The following CDYL variants were observed in gnomAD, a reference collection of about 807,000 sequenced individuals.
CDYL encodes the protein chromodomain Y like, also known as chromodomain Y-like protein.
Under a neutral mutation model 47.3 loss-of-function variants are expected in CDYL, and 8 were observed. The observed-to-expected ratio is 0.17, with a 90% confidence interval of 0.10 to 0.31. The LOEUF (loss-of-function observed/expected upper bound fraction) is 0.31, where lower values mean the gene tolerates loss of function less well. CDYL is among the 10% of genes least tolerant of loss of function. CDYL has a pLI of 1.00. For missense variants in CDYL, 471 were observed against 701.4 expected (o/e 0.67, Z 3.71); for synonymous variants, 266 against 265.0 (o/e 1.00, Z -0.04).
At chr6:4,949,268 A>G (rs1758624474) in intron 5 of CDYL, among the ~76,000 whole-genome samples, 1 of 152,184 alleles carries the variant, frequency 6.6e-6, no homozygotes, top group African/African-American at 2.4e-5. Context: ...TGGGGTGTGA[A>G]GCTGGAGAAT....
At chr6:4,710,403 A>AGGAAGGAAGGAAGGAG (rs10676514) in intron 1 of CDYL, among the ~76,000 whole-genome samples, 1 of 147,672 alleles carries the variant, frequency 6.8e-6, no homozygotes, top group South Asian at 2.2e-4. Context: ...GAAGGAAGGA[A>AGGAAGGAAGGAAGGAG]ACTACATTTA....
At chr6:4,947,348 C>T (rs1758554092) in intron 5 of CDYL, among the ~76,000 whole-genome samples, 1 of 152,198 alleles carries the variant, frequency 6.6e-6, no homozygotes, top group Non-Finnish European at 1.5e-5. Flanking sequence ...AGCGCCTATA[C>T]CAAGTTCTAG....
chr6:4,895,431 ATGTATACG>A (rs1762238440), intron 2 of CDYL, among the ~76,000 whole-genome samples: 1 of 22,260 alleles, frequency 4.5e-5, no homozygotes, highest in African/African-American at 9.6e-5. Flanking sequence ...GCATGTATAC[ATGTATACG>A]TATATATGCA....
chr6:4,713,628 C>T (rs1221312584), intron 1 of CDYL, among the ~76,000 whole-genome samples: 1 of 146,744 alleles, frequency 6.8e-6, no homozygotes, highest in Non-Finnish European at 1.5e-5. Flanking sequence ...TGCTGCGTTG[C>T]CCAGGCTGGA....
chr6:4,844,613 G>A (rs1760600690), intron 1 of CDYL, among the ~76,000 whole-genome samples: 1 of 152,120 alleles, frequency 6.6e-6, no homozygotes, highest in Admixed American at 6.5e-5. Flanking sequence ...CCCCCAACAT[G>A]GGTTTGTTTC....
chr6:4,873,571 C>T (rs773564798), intron 1 of CDYL, among the ~76,000 whole-genome samples: 7 of 152,098 alleles, frequency 4.6e-5, no homozygotes, highest in Non-Finnish European at 7.4e-5. Flanking sequence ...TAGAAATTCA[C>T]GCTTGTTAAT....
intron 2 of CDYL, among the ~76,000 whole-genome samples, chr6:4,900,779 G>GTGTGTGTGTGTGTATATATATATA: frequency 1.9e-5 from 1 of 51,704 alleles, no homozygotes; most frequent in South Asian, 9.5e-4. Flanking sequence ...GTATACGTGT[G>GTGTGTGTGTGTGTATATATATATA]TATATATATA....
chr6:4,776,220 C>G (rs1300541052), upstream of CDYL, among the ~76,000 whole-genome samples: 1 of 141,238 alleles, frequency 7.1e-6, no homozygotes, highest in African/African-American at 2.6e-5. Flanking sequence ...TGCCGGCTCG[C>G]TCCCGGCCCC....
At position 4,752,146 on chromosome 6, in the gene CDYL, C is replaced by T. The variant is rs113773300; in HGVS notation, c.186+17302C>T. On this transcript the variant is annotated intron_variant, in intron 3 of 8. Coordinates refer to the CDYL transcript ENST00000328908. ...GGTCTTCCTAGCAGACTCTTGCCCA[C>T]GTTAATATTCGCAGCATATCCTGGG... Among the ~76,000 whole-genome samples the T allele has an allele frequency of 9.9e-3, 1,507 of 152,222 alleles. 24 individuals are homozygous for T. Among genetic ancestry groups the T allele is most frequent in the African/African-American group, 0.025 (1,048 of 41,518 alleles).
At chr6:4,778,144 G>T (rs1758519936) in intron 1 of CDYL, among the ~76,000 whole-genome samples, 3 of 152,176 alleles carry the variant, frequency 2.0e-5, no homozygotes, top group Admixed American at 2.0e-4. Flanking sequence ...CAGAAATGGA[G>T]GCTAGGATGT....
intron 3 of CDYL, among the ~76,000 whole-genome samples, chr6:4,752,817 A>G (rs939176386): frequency 5.7e-5 from 8 of 140,730 alleles, no homozygotes; most frequent in Admixed American, 1.5e-4. Context: ...AAAGTCTTTC[A>G]TGTCTGCAAA....
intron 1 of CDYL, among the ~76,000 whole-genome samples, chr6:4,868,532 A>T (rs966606544): frequency 2.0e-5 from 3 of 152,086 alleles, no homozygotes; most frequent in Non-Finnish European, 4.4e-5. Flanking sequence ...ATATATCTTA[A>T]ATCTTTTTAA....
At chr6:4,774,250 A>G (rs746972639), upstream of CDYL, among the ~76,000 whole-genome samples, 67 of 151,984 alleles carry the variant, frequency 4.4e-4, no homozygotes, top group Non-Finnish European at 6.5e-4. Flanking sequence ...TTTACAGTTG[A>G]TTTTTCTTGA....
chr6:4,839,127 G>A lies in CDYL; in HGVS notation c.25-52586G>A, dbSNP rs114120741. ...TCGATTATGACCATCTTGCAGGAGT[G>A]AGGTGGTATCGCATTGTGGTTTTGA... On this transcript the variant is annotated intron_variant, in intron 1 of 6. Coordinates refer to ENST00000397588, the MANE Select transcript of CDYL (RefSeq NM_004824.4). Among the ~76,000 whole-genome samples the A allele has an allele frequency of 6.8e-3, 1,031 of 152,320 alleles. 14 individuals carry two copies. The highest frequency in any genetic ancestry group is 0.024 in the African/African-American group (995 of 41,560).
chr6:4,725,191 G>T (rs1252486020), intron 2 of CDYL, among the ~76,000 whole-genome samples: 6 of 152,222 alleles, frequency 3.9e-5, no homozygotes, highest in African/African-American at 1.4e-4. Flanking sequence ...GTGCTGATTG[G>T]TGTATTTACA....
At chr6:4,883,156 A>G (rs1474277415) in intron 1 of CDYL, among the ~76,000 whole-genome samples, 1 of 152,210 alleles carries the variant, frequency 6.6e-6, no homozygotes, top group Non-Finnish European at 1.5e-5. Flanking sequence ...CTCCCGAAAT[A>G]GGAAACATAC....
chr6:4,855,703 C>T (rs1265420771), intron 1 of CDYL, among the ~76,000 whole-genome samples: 5 of 152,198 alleles, frequency 3.3e-5, no homozygotes, highest in Non-Finnish European at 4.4e-5. Flanking sequence ...ACAATCTACA[C>T]GTAAGCATAT....
intron 1 of CDYL, among the ~76,000 whole-genome samples, chr6:4,778,921 T>C (rs1758539721): frequency 6.6e-6 from 1 of 152,222 alleles, no homozygotes; most frequent in African/African-American, 2.4e-5. Context: ...TAAATTAGCC[T>C]TGAAAGCTCA....
intron 2 of CDYL, among the ~76,000 whole-genome samples, chr6:4,923,859 C>CCACT (rs914565760): frequency 6.6e-6 from 1 of 150,596 alleles, no homozygotes; most frequent in African/African-American, 2.5e-5. Flanking sequence ...CGAGGTCGCG[C>CCACT]CACTGCACTC....
Sources: gnomAD v4.1 joint callset for allele counts (sites outside exome capture counted in the v4.1 genomes callset) on GRCh38, gnomAD v4.1.1 for gene constraint, MANE v1.5 for transcripts, NCBI Gene and HGNC (gene_info 2026-07-23, HGNC 2026-07-21) for gene names.